Variants in AIFM2 observed in about 807,000 individuals in gnomAD.
AIFM2 encodes the protein ferroptosis suppressor protein 1.
AIFM2 carries 38 observed loss-of-function variants against 35.7 expected under a neutral mutation model. That is an observed-to-expected ratio of 1.06 (90% CI 0.82 to 1.39). The LOEUF (loss-of-function observed/expected upper bound fraction) is 1.39, where lower values mean the gene tolerates loss of function less well. AIFM2 is among the 40% of genes most tolerant of loss of function. The probability of loss-of-function intolerance (pLI) is 0.00; values close to 1 mark genes in which losing one functional copy is unlikely to be tolerated. For synonymous variants in AIFM2, 185 were observed against 203.5 expected (o/e 0.91, Z 0.77); for missense variants, 476 against 491.2 (o/e 0.97, Z 0.29).
At chr10:70,120,711 C>T (rs2072491362) in intron 4 of AIFM2, 112 bp from the exon 5 acceptor site, 2 of 1,190,772 alleles carry the variant, frequency 1.7e-6, no homozygotes, top group Non-Finnish European at 2.5e-6. Context: ...GGGCAGAGAA[C>T]CCTTTCCACA....
chr10:70,118,100 G>A (rs2072458809), intron 5 of AIFM2, 180 bp from the exon 6 acceptor site: 2 of 556,028 alleles, frequency 3.6e-6, no homozygotes. Flanking sequence ...AAGCCCACAT[G>A]TTCTAGACTA....
chr10:70,124,612 C>T (rs1255036813), intron 1 of AIFM2, among the ~76,000 whole-genome samples: 1 of 152,158 alleles, frequency 6.6e-6, no homozygotes, highest in Non-Finnish European at 1.5e-5. Flanking sequence ...GGTCCCTGCC[C>T]TTATAAGGGC....
chr10:70,123,638 C>T lies in AIFM2; in HGVS notation c.179-118G>A, dbSNP rs567376815. ...ACAGGGGTGCCCTTGACCAAAGCGTCGGGCCATTAGGTATGCCTGGGGTAC... is the reference window on the plus strand; with the variant it reads ...ACAGGGGTGCCCTTGACCAAAGCGTTGGGCCATTAGGTATGCCTGGGGTAC... On this transcript the variant is annotated intron_variant, in intron 2 of 8. Coordinates refer to ENST00000307864, the MANE Select transcript of AIFM2 (RefSeq NM_032797.6). The T allele has an allele frequency of 1.4e-4, 135 of 956,308 alleles. 1 individual carries two copies. In the East Asian group the frequency reaches 3.2e-3, roughly 23 times the overall value. The allele number at this position is 956,308 out of a possible 1,614,324, so 59.2% of individuals were successfully genotyped here.
At chr10:70,120,270 T>C (rs886478388) in intron 5 of AIFM2, among the ~76,000 whole-genome samples, 4 of 152,200 alleles carry the variant, frequency 2.6e-5, no homozygotes, top group Admixed American at 1.3e-4. Context: ...GGCAGGACCT[T>C]TCCTTGAGAA....
At chr10:70,116,302 T>C (rs1458941850) in intron 7 of AIFM2, among the ~76,000 whole-genome samples, 2 of 152,182 alleles carry the variant, frequency 1.3e-5, no homozygotes, top group South Asian at 2.1e-4. Flanking sequence ...GACCCTGAAT[T>C]TCCTCTGTCC....
chr10:70,124,990 A>G (rs1437520201), intron 1 of AIFM2, among the ~76,000 whole-genome samples: 1 of 152,172 alleles, frequency 6.6e-6, no homozygotes, highest in Non-Finnish European at 1.5e-5. Flanking sequence ...TGAATGGATT[A>G]ATACCAATTA....
intron 2 of AIFM2, 74 bp downstream of exon 2, chr10:70,123,833 C>A: frequency 7.0e-7 from 1 of 1,430,236 alleles, no homozygotes; most frequent in East Asian, 2.5e-5. Flanking sequence ...AAACCACCCC[C>A]AGCCCTAAAA....
rs1393786667 is a variant in AIFM2 at position 70,125,456 on chromosome 10, AAAAAAAAAAAAAAAAG to A, written c.-13-1375_-13-1360del. On this transcript the variant is annotated intron_variant, in intron 1 of 8. Transcript: ENST00000307864. Reference sequence around the variant, plus strand: ...TCTCTACAAAAAAAAAAAAAAAAAAAAAAAAAAAAAAAAAAGCCAGGCGTGGTGATGGGCACCTATA... The same window carrying A: ...TCTCTACAAAAAAAAAAAAAAAAAAACCAGGCGTGGTGATGGGCACCTATA... Among the ~76,000 whole-genome samples the A allele has an allele frequency of 6.6e-5, 6 of 90,822 alleles. No homozygotes were observed. In the East Asian group the frequency reaches 1.1e-3, roughly 17 times the overall value. 59.6% of individuals were successfully genotyped at this position (90,822 alleles called of 152,430 possible). A position where few individuals can be genotyped will look rare whatever the true frequency, so the allele number is the denominator to read the frequency against.
At position 70,131,356 on chromosome 10, in the gene AIFM2, C is replaced by T. The variant is rs1160655859; in HGVS notation, c.-14+1378G>A. 6.6e-6 allele frequency among the ~76,000 whole-genome samples: 1 copy of T among 152,210 alleles called. No homozygotes were observed. The highest frequency in any genetic ancestry group is 1.9e-4 in the East Asian group (1 of 5,204). On this transcript the variant is annotated intron_variant, in intron 1 of 8. Coordinates refer to ENST00000307864, the MANE Select transcript of AIFM2 (RefSeq NM_032797.6). The surrounding 1 kb of genome is among the most constrained non-coding windows in gnomAD (Gnocchi z 4.1). ...GGTTTCCTCCACCTGCGGGACACAG[C>T]AGGATGGAGACGGTTGGGCGGCCTC...
chr10:70,128,644 C>T (rs974446276), intron 1 of AIFM2, among the ~76,000 whole-genome samples: 2 of 152,130 alleles, frequency 1.3e-5, no homozygotes, highest in African/African-American at 4.8e-5. Context: ...ATTATAGGTG[C>T]GAGCCACTGT....
At position 70,116,693 on chromosome 10, in the gene AIFM2, T is replaced by A; in HGVS notation, c.698A>T (p.Glu233Val). 2.5e-6 allele frequency: 4 copies of A among 1,614,174 alleles called. No homozygotes were observed. The highest frequency in any genetic ancestry group is 3.4e-6 in the Non-Finnish European group (4 of 1,180,024). The change falls in exon 7 of 9, where the codon GAG (glutamate) becomes GTG (valine). Residue 233 changes from glutamate (E) to valine (V), a missense_variant. Physicochemically the swap from Glu to Val is moderately radical, Grantham distance 121 (BLOSUM62 -2). Coordinates refer to ENST00000307864, the MANE Select transcript of AIFM2 (RefSeq NM_032797.6). ...YIKVQTDKGT[E>V]VATNLVILCT... ...GAGAATCACCAGGTTGGTGGCCACC[T>A]CTGTGCCTTTGTCCGTCTGCACTTT...
chr10:70,123,616 G>T, intron 2 of AIFM2, 96 bp from the exon 3 acceptor site: 1 of 1,161,424 alleles, frequency 8.6e-7, no homozygotes. Flanking sequence ...CAAACCAACA[G>T]GGGTGCCCTT....
At position 70,123,489 on chromosome 10, in the gene AIFM2, C is replaced by A. The variant is rs749144865; in HGVS notation, c.210G>T (p.Ser70=). 4 of 1,614,114 alleles carry A rather than the reference C, an allele frequency of 2.5e-6. No homozygotes were observed. Among genetic ancestry groups the A allele is most frequent in the Non-Finnish European group, 3.4e-6 (4 of 1,180,000 alleles). Residue 70 remains serine (S), a synonymous_variant, in exon 3 of 9, where the codon TCG becomes TCT. Transcript: ENST00000307864. ...GFAKKTFISY[S]VTFKDNFRQG... is the part of the protein sequence containing the mutation. ...GCCGGAAGTTGTCCTTGAAAGTCACCGAGTAAGAAATGAATGTCTTTTTGG... is the reference window on the plus strand; with the variant it reads ...GCCGGAAGTTGTCCTTGAAAGTCACAGAGTAAGAAATGAATGTCTTTTTGG...
rs948027116 is a variant in AIFM2, at chr10:70,112,352, T to C, written c.*1826A>G. 5 of 152,352 alleles carry C rather than the reference T, an allele frequency of 3.3e-5. No individual in the cohort carries two copies. Among genetic ancestry groups the C allele is most frequent in the African/African-American group, 1.2e-4 (5 of 41,576 alleles). 9.4% of individuals were successfully genotyped at this position (152,352 alleles called of 1,614,324 possible). A position where few individuals can be genotyped will look rare whatever the true frequency, so the allele number is the denominator to read the frequency against. On this transcript the variant is annotated 3_prime_UTR_variant, in exon 9 of 9. Coordinates refer to ENST00000307864, the MANE Select transcript of AIFM2 (RefSeq NM_032797.6). ...CCCACACGTAGGTCCTTCTAGAATA[T>C]TGTAAGTCAATAGAAGAAGGCCTGT...
chr10:70,129,748 T>C (rs1156603935), intron 1 of AIFM2, among the ~76,000 whole-genome samples: 1 of 152,204 alleles, frequency 6.6e-6, no homozygotes, highest in Non-Finnish European at 1.5e-5. Flanking sequence ...AAATAATGTC[T>C]TTAATAATAG....
intron 3 of AIFM2, 24 bp downstream of exon 3, chr10:70,123,381 G>A: frequency 6.2e-7 from 1 of 1,604,654 alleles, no homozygotes; most frequent in Non-Finnish European, 8.5e-7. Context: ...GAGCCAGCTG[G>A]CAGCCGGGCT....
chr10:70,127,759 A>T (rs1394124396), intron 1 of AIFM2, among the ~76,000 whole-genome samples: 1 of 152,212 alleles, frequency 6.6e-6, no homozygotes, highest in African/African-American at 2.4e-5. Context: ...CAAGGAAGGC[A>T]AATTGCTTAT....
At chr10:70,120,052 G>C (rs933925550) in intron 5 of AIFM2, among the ~76,000 whole-genome samples, 16 of 152,254 alleles carry the variant, frequency 1.1e-4, no homozygotes, top group African/African-American at 3.6e-4. Context: ...CAGAGCAGGG[G>C]CTACCATATC....
At chr10:70,115,842 T>C (rs186901162) in intron 7 of AIFM2, among the ~76,000 whole-genome samples, 64 of 152,344 alleles carry the variant, frequency 4.2e-4, no homozygotes, top group Non-Finnish European at 7.8e-4. Context: ...ACTGCTTTTT[T>C]AAAGGGACTT....
Sources: gnomAD v4.1 joint callset for allele counts (sites outside exome capture counted in the v4.1 genomes callset) on GRCh38, gnomAD v4.1.1 for gene constraint, Gnocchi (gnomAD v3.1) non-coding constraint, MANE v1.5 for transcripts, NCBI Gene and HGNC (gene_info 2026-07-23, HGNC 2026-07-21) for gene names.